LRRC4C: variants seen among roughly 807,000 people sequenced by gnomAD.
LRRC4C encodes leucine-rich repeat-containing protein 4C.
In LRRC4C, 5 loss-of-function variants were observed where a neutral mutation model predicts 33.6. The observed-to-expected ratio is 0.15, with a 90% CI of 0.08 to 0.31. LRRC4C has a LOEUF of 0.31. Ranked by LOEUF, LRRC4C falls within the 10% of genes least tolerant of loss-of-function variation. LRRC4C has a pLI of 1.00. For synonymous variants in LRRC4C, 329 were observed against 302.0 expected, an observed-to-expected ratio of 1.09 and a Z score of -0.93; for missense variants, 560 against 796.7, an observed-to-expected ratio of 0.70 and a Z score of 3.58.
intron 5 of LRRC4C, among the ~76,000 whole-genome samples, chr11:40,151,766 T>C (rs540915864): frequency 6.6e-6 from 1 of 152,292 alleles, no homozygotes; most frequent in South Asian, 2.1e-4. Flanking sequence ...CAAGGCAACA[T>C]GAGATCTCTG....
chr11:41,099,107 C>T (rs1435899530), intron 1 of LRRC4C, among the ~76,000 whole-genome samples: 1 of 151,948 alleles, frequency 6.6e-6, no homozygotes, highest in African/African-American at 2.4e-5. Flanking sequence ...AATTCCTGGA[C>T]ATGTATACCC....
At chr11:40,971,317 C>T (rs1050449097) in intron 1 of LRRC4C, among the ~76,000 whole-genome samples, 6 of 152,208 alleles carry the variant, frequency 3.9e-5, no homozygotes, top group Non-Finnish European at 7.3e-5. Flanking sequence ...CTGGTCCCTG[C>T]ATTCTAGCCA....
intron 2 of LRRC4C, among the ~76,000 whole-genome samples, chr11:40,805,327 G>T (rs973431967): frequency 2.6e-5 from 4 of 152,156 alleles, no homozygotes; most frequent in Middle Eastern, 6.3e-3. Context: ...AGTGGAAAAG[G>T]GGGAGGAAAA....
chr11:40,186,394 G>A (rs962252453), intron 5 of LRRC4C, among the ~76,000 whole-genome samples: 1 of 152,080 alleles, frequency 6.6e-6, no homozygotes, highest in Non-Finnish European at 1.5e-5. Context: ...CCCTGGATGG[G>A]CAAAAAATAG....
intron 1 of LRRC4C, among the ~76,000 whole-genome samples, chr11:41,230,690 G>T (rs188497928): frequency 6.6e-5 from 10 of 152,022 alleles, no homozygotes; most frequent in Admixed American, 4.6e-4. Context: ...CAGGATATAG[G>T]CATGGGCAAG....
intron 3 of LRRC4C, among the ~76,000 whole-genome samples, chr11:40,466,396 C>T (rs905238116): frequency 9.2e-5 from 14 of 151,736 alleles, no homozygotes; most frequent in Non-Finnish European, 8.8e-5. Context: ...ATACTTCCCT[C>T]GTAACCCCTA....
chr11:41,225,649 A>AT (rs377351841), intron 1 of LRRC4C, among the ~76,000 whole-genome samples: 3,998 of 151,660 alleles, frequency 0.026, 181 homozygotes, highest in African/African-American at 0.09. Flanking sequence ...ATTTATATAT[A>AT]TTTTTTTGTT....
At chr11:40,712,610 A>G (rs1946522604) in intron 2 of LRRC4C, among the ~76,000 whole-genome samples, 1 of 152,310 alleles carries the variant, frequency 6.6e-6, no homozygotes, top group African/African-American at 2.4e-5. Flanking sequence ...ACATTAATAT[A>G]AAAATTTACC....
chr11:40,801,039 T>C (rs1951020314), intron 2 of LRRC4C, among the ~76,000 whole-genome samples: 1 of 152,194 alleles, frequency 6.6e-6, no homozygotes, highest in African/African-American at 2.4e-5. Context: ...ACGTTAATTA[T>C]ATTCCGCACT....
chr11:40,605,515 A>C (rs895132865), intron 3 of LRRC4C, among the ~76,000 whole-genome samples: 5 of 152,170 alleles, frequency 3.3e-5, no homozygotes, highest in African/African-American at 1.2e-4. Context: ...CAAAGTCACT[A>C]GGAAAATTTA....
intron 1 of LRRC4C, among the ~76,000 whole-genome samples, chr11:41,205,836 GAGTCT>G (rs1237609407): frequency 2.0e-5 from 3 of 152,104 alleles, no homozygotes; most frequent in African/African-American, 7.2e-5. Flanking sequence ...TGAGTAATCT[GAGTCT>G]TAGAGAAATT....
chr11:40,628,479 A>AG (rs1467342155), intron 3 of LRRC4C, among the ~76,000 whole-genome samples: 2 of 143,256 alleles, frequency 1.4e-5, no homozygotes, highest in East Asian at 4.0e-4. Context: ...CTCCATCTCA[A>AG]AAAAACAAAA....
chr11:40,877,942 T>A (rs1031510290), intron 2 of LRRC4C, among the ~76,000 whole-genome samples: 1 of 152,206 alleles, frequency 6.6e-6, no homozygotes, highest in South Asian at 2.1e-4. Flanking sequence ...GTAATTTAAG[T>A]AGGCCTCTTG....
chr11:40,879,803 T>A (rs1238093436), intron 2 of LRRC4C, among the ~76,000 whole-genome samples: 1 of 152,072 alleles, frequency 6.6e-6, no homozygotes, highest in Non-Finnish European at 1.5e-5. Flanking sequence ...ATACATTATG[T>A]GAAAAGGCTC....
chr11:40,114,523 G>T lies in LRRC4C; in HGVS notation c.1770C>A (p.Ile590=), dbSNP rs372488464. The change falls in exon 7 of 7, where the codon ATC becomes ATA. Residue 590 remains isoleucine (I), a synonymous_variant. Transcript: ENST00000528697. ...TATAGTGATTTAGGTGCTCATGCTCGATAGCAGGCATGGGCAGGTGGCTTT... is the reference window on the plus strand; with the variant it reads ...TATAGTGATTTAGGTGCTCATGCTCTATAGCAGGCATGGGCAGGTGGCTTT... ...PMESHLPMPA[I]EHEHLNHYNS... is the part of the protein sequence containing the mutation. 1 of 1,614,102 alleles carries T rather than the reference G, an allele frequency of 6.2e-7. No homozygotes were observed. Among genetic ancestry groups the T allele is most frequent in the South Asian group, 1.1e-5 (1 of 91,078 alleles).
intron 1 of LRRC4C, among the ~76,000 whole-genome samples, chr11:41,404,332 T>C (rs1390761373): frequency 6.6e-6 from 1 of 151,994 alleles, no homozygotes; most frequent in Non-Finnish European, 1.5e-5. Context: ...CATGTTTGCT[T>C]TCTAGTAAAT....
intron 1 of LRRC4C, among the ~76,000 whole-genome samples, chr11:40,981,843 T>C (rs1852566077): frequency 6.6e-6 from 1 of 152,220 alleles, no homozygotes; most frequent in Non-Finnish European, 1.5e-5. Context: ...AGATAAGTAA[T>C]GAGAATCTTT....
chr11:40,557,373 A>T (rs1957372032), intron 3 of LRRC4C, among the ~76,000 whole-genome samples: 1 of 152,196 alleles, frequency 6.6e-6, no homozygotes, highest in Non-Finnish European at 1.5e-5. Flanking sequence ...AAATAATGAC[A>T]AATATCTTGA....
chr11:40,152,658 G>A (rs1858322162), intron 5 of LRRC4C, among the ~76,000 whole-genome samples: 1 of 152,088 alleles, frequency 6.6e-6, no homozygotes, highest in Admixed American at 6.5e-5. Context: ...TGAGGCCTGT[G>A]ATTGCCAGCT....
Sources: gnomAD v4.1 joint callset for allele counts (sites outside exome capture counted in the v4.1 genomes callset) on GRCh38, gnomAD v4.1.1 for gene constraint, MANE v1.5 for transcripts, NCBI Gene and HGNC (gene_info 2026-07-23, HGNC 2026-07-21) for gene names.